The following ATP8A2 variants were observed in gnomAD, a reference collection of about 807,000 sequenced individuals.
ATP8A2 encodes the protein phospholipid-transporting ATPase IB.
ATP8A2 carries 100 observed loss-of-function variants against 165.6 expected under a neutral mutation model. That is an observed-to-expected ratio of 0.60 (90% CI 0.51 to 0.71). The LOEUF is 0.71. Among genes scored for constraint, ATP8A2 ranks in the 30% least tolerant of loss-of-function variants. The pLI, the probability that ATP8A2 is intolerant of heterozygous loss-of-function variation, is 0.00. For synonymous variants in ATP8A2, 543 were observed against 548.8 expected (o/e 0.99, Z 0.15); for missense variants, 1,227 against 1,479.5 (o/e 0.83, Z 2.80).
At chr13:25,544,183 T>A (rs769725072) in intron 10 of ATP8A2, among the ~76,000 whole-genome samples, 11 of 152,258 alleles carry the variant, frequency 7.2e-5, no homozygotes, top group Non-Finnish European at 1.2e-4. Flanking sequence ...CCCAGGCTTA[T>A]CCTCGGGGAG....
chr13:25,951,561 G>A (rs1431501921), intron 33 of ATP8A2, among the ~76,000 whole-genome samples: 1 of 152,214 alleles, frequency 6.6e-6, no homozygotes, highest in Non-Finnish European at 1.5e-5. Context: ...TTGGGTGGTA[G>A]GTAGACAGGT....
intron 33 of ATP8A2, among the ~76,000 whole-genome samples, chr13:25,942,449 T>C (rs970874044): frequency 4.6e-5 from 7 of 152,198 alleles, no homozygotes; most frequent in Admixed American, 1.3e-4. Context: ...TGAGATGAAG[T>C]CTCGCTCTTG....
intron 30 of ATP8A2, among the ~76,000 whole-genome samples, chr13:25,853,409 ATG>A (rs10558006): frequency 0.12 from 8,452 of 71,526 alleles, 654 homozygotes; most frequent in Admixed American, 0.23. Flanking sequence ...ATATATATAT[ATG>A]TATATATATA....
At chr13:25,636,619 C>T (rs1037607381) in intron 24 of ATP8A2, among the ~76,000 whole-genome samples, 8 of 152,064 alleles carry the variant, frequency 5.3e-5, no homozygotes, top group Non-Finnish European at 1.0e-4. Flanking sequence ...CAAACATGAA[C>T]CTGACATCCA....
At chr13:25,689,210 C>A (rs1026581464) in intron 24 of ATP8A2, among the ~76,000 whole-genome samples, 1 of 152,172 alleles carries the variant, frequency 6.6e-6, no homozygotes, top group East Asian at 1.9e-4. Context: ...AGTTTTAGCA[C>A]GTGTTTTAAG....
chr13:25,920,058 G>C (rs748953057), intron 33 of ATP8A2, among the ~76,000 whole-genome samples: 3 of 152,178 alleles, frequency 2.0e-5, no homozygotes, highest in Non-Finnish European at 4.4e-5. Flanking sequence ...AAAGTGCCAG[G>C]ACTACAGGTG....
chr13:25,532,192 T>C (rs547843077), intron 4 of ATP8A2, 80 bp from the exon 5 acceptor site: 1 of 1,129,572 alleles, frequency 8.9e-7, no homozygotes, highest in African/African-American at 1.5e-5. Flanking sequence ...CCCTGTAATT[T>C]CCTGATTGTT....
At chr13:25,482,170 C>T (rs2036225236) in intron 2 of ATP8A2, among the ~76,000 whole-genome samples, 1 of 152,130 alleles carries the variant, frequency 6.6e-6, no homozygotes, top group Non-Finnish European at 1.5e-5. Context: ...ACTTGGAAGC[C>T]ACCTGCTTTA....
chr13:25,973,041 C>T (rs1220672847), intron 35 of ATP8A2, among the ~76,000 whole-genome samples: 1 of 152,172 alleles, frequency 6.6e-6, no homozygotes, highest in East Asian at 1.9e-4. Flanking sequence ...CTCTGTTCAT[C>T]CCAGTTGGTG....
At chr13:25,666,311 G>A (rs1342113699) in intron 24 of ATP8A2, among the ~76,000 whole-genome samples, 1 of 152,058 alleles carries the variant, frequency 6.6e-6, no homozygotes, top group Non-Finnish European at 1.5e-5. Context: ...CCCAGTTCAA[G>A]TGATTCTTCT....
At chr13:25,627,646 T>C (rs1158190464) in intron 24 of ATP8A2, among the ~76,000 whole-genome samples, 1 of 152,196 alleles carries the variant, frequency 6.6e-6, no homozygotes, top group East Asian at 1.9e-4. Flanking sequence ...CTTTGACTTC[T>C]AGCCTCCATA....
intron 24 of ATP8A2, among the ~76,000 whole-genome samples, chr13:25,659,255 G>T (rs572168433): frequency 1.3e-5 from 2 of 152,126 alleles, no homozygotes; most frequent in Non-Finnish European, 2.9e-5. Context: ...AAAAGCTATC[G>T]ATTGTGCTGA....
At chr13:25,795,345 A>G (rs1950479537) in intron 27 of ATP8A2, among the ~76,000 whole-genome samples, 2 of 152,222 alleles carry the variant, frequency 1.3e-5, no homozygotes, top group South Asian at 2.1e-4. Flanking sequence ...TGAATATTAT[A>G]GTAAATAATA....
At chr13:25,451,759 A>G (rs1378284169) in intron 1 of ATP8A2, among the ~76,000 whole-genome samples, 2 of 152,114 alleles carry the variant, frequency 1.3e-5, no homozygotes, top group Non-Finnish European at 2.9e-5. Context: ...GACCAAAACC[A>G]CAGGTGTCCC....
intron 33 of ATP8A2, among the ~76,000 whole-genome samples, chr13:25,899,561 CTG>C (rs1340586653): frequency 1.3e-5 from 2 of 152,116 alleles, no homozygotes; most frequent in African/African-American, 2.4e-5. Flanking sequence ...ACTATCTCGA[CTG>C]AGATTGAGAT....
chr13:25,524,500 C>T (rs1238501692), intron 2 of ATP8A2, among the ~76,000 whole-genome samples: 1 of 152,086 alleles, frequency 6.6e-6, no homozygotes, highest in Non-Finnish European at 1.5e-5. Flanking sequence ...CTATCTCTTG[C>T]TTTAGATATA....
chr13:25,740,070 GA>G (rs1393539268), intron 25 of ATP8A2, among the ~76,000 whole-genome samples: 1 of 152,192 alleles, frequency 6.6e-6, no homozygotes, highest in African/African-American at 2.4e-5. Context: ...AGCACTTTGG[GA>G]GGCCGAGACG....
At chr13:26,018,510 C>T (rs552756486) in intron 36 of ATP8A2, among the ~76,000 whole-genome samples, 22 of 152,296 alleles carry the variant, frequency 1.4e-4, no homozygotes, top group Admixed American at 2.6e-4. Context: ...ATAAGTTGTA[C>T]GCATGCATGG....
chr13:25,720,148 C>G (rs189544473), intron 25 of ATP8A2, among the ~76,000 whole-genome samples: 31 of 148,892 alleles, frequency 2.1e-4, no homozygotes, highest in Admixed American at 8.0e-4. Flanking sequence ...ACATGACCTC[C>G]GATAAATGTA....
Sources: gnomAD v4.1 joint callset for allele counts (sites outside exome capture counted in the v4.1 genomes callset) on GRCh38, gnomAD v4.1.1 for gene constraint, MANE v1.5 for transcripts, NCBI Gene and HGNC (gene_info 2026-07-23, HGNC 2026-07-21) for gene names.